UNC13C: variants seen among roughly 807,000 people sequenced by gnomAD.
UNC13C encodes the protein unc-13 homolog C.
A neutral mutation model predicts 245.4 loss-of-function variants in UNC13C; 174 were observed. The observed-to-expected ratio is 0.71, with a 90% CI of 0.63 to 0.80. The LOEUF is 0.80. UNC13C is among the 30% of genes least tolerant of loss of function. UNC13C has a pLI of 0.00. For missense variants in UNC13C, 2,829 were observed against 2,602.9 expected (o/e 1.09, Z -1.89); for synonymous variants, 992 against 895.1 (o/e 1.11, Z -1.93).
In UNC13C at chr15:54,053,433, C is replaced by T. The variant is rs191249110; in HGVS notation, c.2983+37547C>T. The stretch of plus-strand genomic sequence containing the variant: ...CACAGTTAACAAATAACCTGAGTGT[C>T]GCATTATTTATAAAGCTTTCTGTGA... On this transcript the variant is annotated intron_variant, in intron 2 of 32. Transcript: ENST00000260323. 9.9e-5 allele frequency among the ~76,000 whole-genome samples: 15 copies of T among 152,254 alleles called. 1 individual carries two copies. The highest frequency in any genetic ancestry group is 2.2e-4 in the African/African-American group (9 of 41,546).
At chr15:53,972,840 T>C in the UNC13C span, 1 of 152,204 alleles carries the variant, frequency 6.6e-6, no homozygotes, top group Admixed American at 6.5e-5. Flanking sequence ...AACCCAATGA[T>C]CATTTATCAC....
intron 1 of UNC13C, among the ~76,000 whole-genome samples, chr15:54,004,044 A>C (rs1425024696): frequency 6.6e-6 from 1 of 152,048 alleles, no homozygotes; most frequent in African/African-American, 2.4e-5. Flanking sequence ...ACAAACAAAC[A>C]AAAAAACCAA....
chr15:53,903,928 C>G, the UNC13C span, among the ~76,000 whole-genome samples: 189 of 152,158 alleles, frequency 1.2e-3, no homozygotes, highest in African/African-American at 4.5e-3. Flanking sequence ...GTATTTAGAT[C>G]TTGGAAGAAT....
chr15:54,278,324 C>T (rs530481141), intron 10 of UNC13C, among the ~76,000 whole-genome samples: 6 of 152,246 alleles, frequency 3.9e-5, no homozygotes, highest in Admixed American at 6.5e-5. Context: ...TTTAGAGTCA[C>T]ATGTCAGGTT....
chr15:54,042,176 C>T (rs1397504478), intron 2 of UNC13C, among the ~76,000 whole-genome samples: 3 of 152,058 alleles, frequency 2.0e-5, no homozygotes, highest in African/African-American at 7.2e-5. Context: ...AATACTCAAC[C>T]TCTATAAAAT....
chr15:54,501,068 C>T, intron 22 of UNC13C, 90 bp downstream of exon 22: 1 of 1,330,100 alleles, frequency 7.5e-7, no homozygotes, highest in Non-Finnish European at 1.0e-6. Flanking sequence ...TTCTCTGTCA[C>T]CCCATCCCAG....
At chr15:54,028,162 T>C (rs1373655801) in intron 2 of UNC13C, among the ~76,000 whole-genome samples, 1 of 152,218 alleles carries the variant, frequency 6.6e-6, no homozygotes, top group East Asian at 1.9e-4. Flanking sequence ...TTGACTCCTA[T>C]ATCTCAAGCT....
At chr15:54,555,034 C>G (rs1897031266) in intron 28 of UNC13C, among the ~76,000 whole-genome samples, 1 of 151,920 alleles carries the variant, frequency 6.6e-6, no homozygotes, top group South Asian at 2.1e-4. Flanking sequence ...TAGACTTTAT[C>G]AGTAATAATT....
chr15:53,922,618 C>A, the UNC13C span, among the ~76,000 whole-genome samples: 12 of 152,160 alleles, frequency 7.9e-5, no homozygotes, highest in Non-Finnish European at 8.8e-5. Flanking sequence ...TAAATAACAA[C>A]CCTCTTGTGT....
intron 22 of UNC13C, among the ~76,000 whole-genome samples, chr15:54,505,036 C>A (rs1420681499): frequency 1.3e-5 from 2 of 152,132 alleles, no homozygotes; most frequent in Non-Finnish European, 2.9e-5. Flanking sequence ...CTGCCACACT[C>A]CTATTAGAAT....
chr15:54,331,932 A>T (rs769796534), intron 14 of UNC13C, 111 bp from the exon 15 acceptor site: 11 of 636,104 alleles, frequency 1.7e-5, no homozygotes, highest in Non-Finnish European at 2.5e-5. Context: ...CAAGTCATTG[A>T]TATATTTGAT....
intron 30 of UNC13C, among the ~76,000 whole-genome samples, chr15:54,617,728 G>C (rs1402158538): frequency 6.6e-6 from 1 of 152,100 alleles, no homozygotes; most frequent in African/African-American, 2.4e-5. Flanking sequence ...TTAAGTCATT[G>C]TCCATTTATT....
At chr15:54,633,053 T>C (rs555082845), downstream of UNC13C, 1 of 152,206 alleles carries the variant, frequency 6.6e-6, no homozygotes, top group South Asian at 2.1e-4. Context: ...TAATCCCAGC[T>C]ACTCTGGAGG....
Position 54,600,217 on chromosome 15 carries a change from A to G in UNC13C, c.6107-22110A>G, listed in dbSNP as rs113829788. Among the ~76,000 whole-genome samples the G allele has an allele frequency of 5.7e-3, 874 of 152,226 alleles. 9 individuals carry two copies. Among genetic ancestry groups the G allele is most frequent in the African/African-American group, 0.02 (839 of 41,538 alleles). On this transcript the variant is annotated intron_variant, in intron 30 of 32. Coordinates refer to ENST00000260323, the MANE Select transcript of UNC13C (RefSeq NM_001080534.3). ...GCACATATTTGTGTCAGAACGTGGT[A>G]GGCCCTGGACTGTGCCTTGATCTTA...
chr15:54,055,594 T>C (rs563260390), intron 2 of UNC13C, among the ~76,000 whole-genome samples: 6 of 152,346 alleles, frequency 3.9e-5, no homozygotes, highest in South Asian at 2.1e-4. Flanking sequence ...TGATGCTTTT[T>C]CTTACCATCA....
chr15:54,329,085 T>TG (rs1225331037), intron 14 of UNC13C, among the ~76,000 whole-genome samples: 2 of 60,998 alleles, frequency 3.3e-5, no homozygotes, highest in African/African-American at 1.1e-4. Context: ...AACCAAGTTT[T>TG]TTTTTTTTTT....
intron 4 of UNC13C, among the ~76,000 whole-genome samples, chr15:54,158,633 T>C (rs183065669): frequency 3.8e-4 from 58 of 151,882 alleles, no homozygotes; most frequent in Middle Eastern, 3.4e-3. Context: ...CTTTTTAATA[T>C]TAGCTTTTTT....
At chr15:53,908,735 G>A in the UNC13C span, among the ~76,000 whole-genome samples, 660 of 81,084 alleles carry the variant, frequency 8.1e-3, 42 homozygotes, top group African/African-American at 0.036. Flanking sequence ...CTGGGTGACA[G>A]AATGAGAACC....
intron 17 of UNC13C, among the ~76,000 whole-genome samples, chr15:54,382,346 T>G: frequency 6.6e-6 from 1 of 152,040 alleles, no homozygotes; most frequent in East Asian, 1.9e-4. Context: ...TTGGGAGACT[T>G]GGGAGGCAGA....
Sources: allele counts gnomAD v4.1 joint callset (sites outside exome capture counted in the v4.1 genomes callset), GRCh38; gene constraint gnomAD v4.1.1; transcripts MANE v1.5; gene names NCBI Gene and HGNC (gene_info 2026-07-23, HGNC 2026-07-21).